Variants in TENM1 observed in about 807,000 individuals in gnomAD.
TENM1 encodes the protein teneurin-1.
Under a neutral mutation model 174.8 loss-of-function variants are expected in TENM1, and 35 were observed. The observed-to-expected ratio is 0.20, with a 90% confidence interval of 0.15 to 0.27. The LOEUF (loss-of-function observed/expected upper bound fraction) is 0.27, where lower values mean the gene tolerates loss of function less well. Among genes scored for constraint, TENM1 ranks in the 10% least tolerant of loss-of-function variants. The probability of loss-of-function intolerance (pLI) is 1.00; values close to 1 mark genes in which losing one functional copy is unlikely to be tolerated. For synonymous variants in TENM1, 781 were observed against 798.7 expected (o/e 0.98, Z 0.37); for missense variants, 1,633 against 2,130.1 (o/e 0.77, Z 4.59).
rs1218809141 is a variant in TENM1 at position 124,379,264 on chromosome X, G to A, written c.*1272C>T. ...AGATAAATGGGTAAGTACGGAGAAC[G>A]AAAATAACTAACTGTATAAATTATT... On this transcript the variant is annotated 3_prime_UTR_variant, in exon 32 of 32. Coordinates refer to ENST00000422452, the Ensembl canonical transcript of TENM1. 6 of 112,557 alleles carry A rather than the reference G, an allele frequency of 5.3e-5. No homozygotes were observed. The East Asian group carries it at 8.4e-4, about 16-fold the overall frequency. 9.3% of individuals were successfully genotyped at this position (112,557 alleles called of 1,213,427 possible). A position where few individuals can be genotyped will look rare whatever the true frequency, so the allele number is the denominator to read the frequency against.
At chrX:124,894,174 G>T (rs2057521383) in intron 3 of TENM1, 122 bp downstream of exon 6, 4 of 496,118 alleles carry the variant, frequency 8.1e-6, no homozygotes, top group Non-Finnish European at 1.4e-5. Context: ...TTCTCTGACA[G>T]GTTCATTGAG....
chrX:124,621,469 T>C (rs2148329038), intron 11 of TENM1, among the ~76,000 whole-genome samples: 1 of 112,128 alleles, frequency 8.9e-6, no homozygotes, highest in Non-Finnish European at 1.9e-5. Context: ...CAAGACTCTG[T>C]CTCAAAATGA....
At chrX:124,967,472 G>A (rs139097357), upstream of TENM1, among the ~76,000 whole-genome samples, 945 of 111,165 alleles carry the variant, frequency 8.5e-3, 12 homozygotes, top group African/African-American at 0.03. Context: ...TTCATGGAAC[G>A]CCGATGATTC....
At chrX:125,168,507 T>C in the TENM1 span, among the ~76,000 whole-genome samples, 1 of 111,630 alleles carries the variant, frequency 9.0e-6, no homozygotes, top group Non-Finnish European at 1.9e-5. Flanking sequence ...TTATAACTTA[T>C]TTCTACCCAA....
intron 3 of TENM1, among the ~76,000 whole-genome samples, chrX:124,835,015 G>A (rs762383338): frequency 8.9e-6 from 1 of 112,020 alleles, no homozygotes; most frequent in South Asian, 3.7e-4. Flanking sequence ...CCTTCATAAA[G>A]TGGTCTCTGC....
At chrX:124,543,229 T>C (rs1024565471) in intron 15 of TENM1, among the ~76,000 whole-genome samples, 2 of 112,489 alleles carry the variant, frequency 1.8e-5, no homozygotes, top group African/African-American at 6.5e-5. Context: ...CTGTGTAAAT[T>C]TTCTGGAGAA....
the TENM1 span, among the ~76,000 whole-genome samples, chrX:125,110,917 A>G: frequency 8.9e-6 from 1 of 111,923 alleles, no homozygotes; most frequent in East Asian, 2.8e-4. Context: ...AGGCTGTAAG[A>G]TTGTAAAGAA....
At chrX:124,768,168 C>T (rs1047201413) in intron 3 of TENM1, among the ~76,000 whole-genome samples, 1 of 111,784 alleles carries the variant, frequency 8.9e-6, no homozygotes, top group Admixed American at 9.5e-5. Context: ...GAAGGCAATA[C>T]TTAATTGAAA....
chrX:124,795,595 T>C (rs761736226), intron 3 of TENM1, among the ~76,000 whole-genome samples: 2 of 111,846 alleles, frequency 1.8e-5, no homozygotes, highest in Non-Finnish European at 3.8e-5. Flanking sequence ...GTGCCTACTA[T>C]ACTTGTGAAG....
At chrX:125,050,335 C>T in the TENM1 span, among the ~76,000 whole-genome samples, 11 of 108,881 alleles carry the variant, frequency 1.0e-4, no homozygotes, top group Non-Finnish European at 2.1e-4. Flanking sequence ...CAACAGGCTC[C>T]GGTGTGTGAT....
Position 124,588,173 on chromosome X carries a change from C to T in TENM1, c.2078-22613G>A, listed in dbSNP as rs1319967623. On this transcript the variant is annotated intron_variant, in intron 11 of 31. Transcript: ENST00000422452. Reference sequence around the variant, plus strand: ...CTAGAACTAGAAATACCATTTGACCCAGCCATCCCATTACTGGGTATATAC... The same window carrying T: ...CTAGAACTAGAAATACCATTTGACCTAGCCATCCCATTACTGGGTATATAC... Among the ~76,000 whole-genome samples the T allele has an allele frequency of 5.4e-5, 6 of 111,482 alleles. No individual in the cohort carries two copies. In the East Asian group the frequency reaches 1.7e-3, roughly 31 times the overall value.
At chrX:125,027,618 T>C in the TENM1 span, among the ~76,000 whole-genome samples, 4 of 91,889 alleles carry the variant, frequency 4.4e-5, no homozygotes, top group Admixed American at 3.3e-4. Context: ...TTTCTTTTTT[T>C]TTTTTTTTTT....
chrX:124,474,484 A>G (rs745382106), intron 22 of TENM1, among the ~76,000 whole-genome samples: 10 of 112,227 alleles, frequency 8.9e-5, no homozygotes, highest in Non-Finnish European at 1.7e-4. Flanking sequence ...AATCTGATGC[A>G]TACATGAAAA....
intron 27 of TENM1, among the ~76,000 whole-genome samples, chrX:124,397,009 T>C (rs1317674830): frequency 9.0e-6 from 1 of 111,612 alleles, no homozygotes; most frequent in Non-Finnish European, 1.9e-5. Context: ...ATCTACGCTG[T>C]AATGCATCCT....
chrX:124,402,315 G>T (rs1470717592), intron 27 of TENM1, among the ~76,000 whole-genome samples: 1 of 112,035 alleles, frequency 8.9e-6, no homozygotes. Flanking sequence ...GCCAATAAGG[G>T]GCCTCATTTT....
chrX:124,670,892 A>C (rs2148433742), intron 6 of TENM1, among the ~76,000 whole-genome samples: 1 of 111,696 alleles, frequency 9.0e-6, no homozygotes, highest in East Asian at 2.8e-4. Context: ...TTTGGTCTCC[A>C]AAAATTACTC....
At chrX:124,488,413 C>G (rs2046995977) in intron 20 of TENM1, among the ~76,000 whole-genome samples, 1 of 112,051 alleles carries the variant, frequency 8.9e-6, no homozygotes, top group Non-Finnish European at 1.9e-5. Context: ...TCTGCTACAG[C>G]AGATTCAACT....
At chrX:125,061,006 T>C in the TENM1 span, among the ~76,000 whole-genome samples, 1 of 109,503 alleles carries the variant, frequency 9.1e-6, no homozygotes, top group Non-Finnish European at 1.9e-5. Flanking sequence ...AGATTTTATA[T>C]ATATATATAT....
At chrX:124,741,914 A>G (rs183237006) in intron 3 of TENM1, among the ~76,000 whole-genome samples, 108 of 112,527 alleles carry the variant, frequency 9.6e-4, no homozygotes, top group Non-Finnish European at 1.7e-3. Flanking sequence ...ATTTGTCTTA[A>G]GTTCAAACTG....
Sources: gnomAD v4.1 joint callset for allele counts (sites outside exome capture counted in the v4.1 genomes callset) on GRCh38, gnomAD v4.1.1 for gene constraint, MANE v1.5 for transcripts, NCBI Gene and HGNC (gene_info 2026-07-23, HGNC 2026-07-21) for gene names.